Variants in CADPS2 observed in about 807,000 individuals in gnomAD.
CADPS2 encodes calcium dependent secretion activator 2.
In CADPS2, 93 loss-of-function variants were observed where a neutral mutation model predicts 172.5. The observed-to-expected ratio is 0.54, with a 90% CI of 0.46 to 0.64. CADPS2 has a LOEUF of 0.64. Among genes scored for constraint, CADPS2 ranks in the 30% least tolerant of loss-of-function variants. CADPS2 has a pLI of 0.00. For synonymous variants in CADPS2, 546 were observed against 555.2 expected (o/e 0.98, Z 0.23); for missense variants, 1,420 against 1,565.9 (o/e 0.91, Z 1.57).
chr7:122,833,443 C>T (rs981318458), intron 1 of CADPS2, among the ~76,000 whole-genome samples: 3 of 152,128 alleles, frequency 2.0e-5, no homozygotes, highest in South Asian at 2.1e-4. Context: ...CTTTGCCTCC[C>T]GGGTTCGAGC....
intron 28 of CADPS2, among the ~76,000 whole-genome samples, chr7:122,344,875 T>C (rs1382125421): frequency 6.6e-6 from 1 of 152,048 alleles, no homozygotes; most frequent in African/African-American, 2.4e-5. Flanking sequence ...CCTCCAGCAG[T>C]CAAAAGAAGT....
At chr7:122,596,338 T>C (rs936304322) in intron 6 of CADPS2, among the ~76,000 whole-genome samples, 1 of 152,164 alleles carries the variant, frequency 6.6e-6, no homozygotes, top group African/African-American at 2.4e-5. Context: ...CTCCAACATT[T>C]ACCTACCTGG....
chr7:122,764,536 C>T (rs1360977623), intron 1 of CADPS2, among the ~76,000 whole-genome samples: 4 of 151,820 alleles, frequency 2.6e-5, no homozygotes, highest in Non-Finnish European at 5.9e-5. Context: ...CAGAAAGACA[C>T]AACAAGTCAG....
Position 122,570,336 on chromosome 7 carries a change from C to T in CADPS2, c.1335+10843G>A, listed in dbSNP as rs190258833. 4.0e-3 allele frequency among the ~76,000 whole-genome samples: 605 copies of T among 152,066 alleles called. 2 individuals are homozygous for T. Among genetic ancestry groups the T allele is most frequent in the Non-Finnish European group, 6.6e-3 (448 of 68,002 alleles). ...TTGAAATCAAAACCACAATGAGATA[C>T]CATCTCACACCAGTTAGAATGGCAA... On this transcript the variant is annotated intron_variant, in intron 7 of 29. Coordinates refer to ENST00000449022, the MANE Select transcript of CADPS2 (RefSeq NM_017954.11).
intron 1 of CADPS2, among the ~76,000 whole-genome samples, chr7:122,737,410 G>A (rs896297567): frequency 6.6e-6 from 1 of 152,132 alleles, no homozygotes; most frequent in Non-Finnish European, 1.5e-5. Flanking sequence ...TTTTAGTAGA[G>A]ATGTTGGCCA....
intron 2 of CADPS2, among the ~76,000 whole-genome samples, chr7:122,699,560 C>T (rs745892169): frequency 1.3e-5 from 2 of 152,136 alleles, no homozygotes; most frequent in Non-Finnish European, 2.9e-5. Context: ...TTTGATTCAT[C>T]ACATAAACCA....
chr7:122,782,682 T>C (rs926650577), intron 1 of CADPS2, among the ~76,000 whole-genome samples: 6 of 152,218 alleles, frequency 3.9e-5, no homozygotes, highest in African/African-American at 1.4e-4. Context: ...TTGGAAATGA[T>C]AGATAAAATT....
chr7:122,560,628 C>T (rs1173828959), intron 7 of CADPS2, among the ~76,000 whole-genome samples: 1 of 152,144 alleles, frequency 6.6e-6, no homozygotes, highest in Non-Finnish European at 1.5e-5. Context: ...AACAGGTGTC[C>T]TTGAGACAAA....
intron 28 of CADPS2, among the ~76,000 whole-genome samples, chr7:122,338,437 A>G (rs1404490054): frequency 1.3e-5 from 2 of 152,050 alleles, no homozygotes; most frequent in African/African-American, 4.8e-5. Context: ...TAAATAAGTA[A>G]CCTCAAACAG....
chr7:122,748,367 TGCCTCAGTACC>T (rs2092809185), intron 1 of CADPS2, among the ~76,000 whole-genome samples: 1 of 152,152 alleles, frequency 6.6e-6, no homozygotes, highest in African/African-American at 2.4e-5. Flanking sequence ...AAGAACTTTG[TGCCTCAGTACC>T]ATCTGGCATT....
chr7:122,573,174 T>C (rs2067500485), intron 7 of CADPS2, among the ~76,000 whole-genome samples: 1 of 152,066 alleles, frequency 6.6e-6, no homozygotes. Flanking sequence ...CTTGGAAGTG[T>C]TTAAAATACT....
chr7:122,612,504 TG>T (rs2074418658), intron 6 of CADPS2, among the ~76,000 whole-genome samples: 2 of 151,872 alleles, frequency 1.3e-5, no homozygotes, highest in African/African-American at 4.8e-5. Flanking sequence ...ACTTTTACTT[TG>T]AAAACTACAA....
chr7:122,691,726 T>C (rs1445589857), intron 2 of CADPS2, among the ~76,000 whole-genome samples: 2 of 152,188 alleles, frequency 1.3e-5, no homozygotes, highest in African/African-American at 2.4e-5. Context: ...GAGGAATGCA[T>C]TGGTCAGGTC....
intron 3 of CADPS2, among the ~76,000 whole-genome samples, chr7:122,645,538 A>T (rs1354419618): frequency 3.2e-5 from 4 of 124,492 alleles, no homozygotes; most frequent in African/African-American, 1.4e-4. Context: ...GTATATATAT[A>T]TACTTATATA....
At chr7:122,509,328 T>C (rs2059849484) in intron 9 of CADPS2, among the ~76,000 whole-genome samples, 1 of 152,190 alleles carries the variant, frequency 6.6e-6, no homozygotes, top group Non-Finnish European at 1.5e-5. Context: ...ACTGTTTACA[T>C]CCCGTGCCAA....
At chr7:122,877,847 T>A (rs1235887009) in intron 1 of CADPS2, among the ~76,000 whole-genome samples, 1 of 152,182 alleles carries the variant, frequency 6.6e-6, no homozygotes, top group Non-Finnish European at 1.5e-5. Flanking sequence ...AGAAATCCTA[T>A]GATTTTTAAA....
chr7:122,849,121 C>A (rs1812809699), intron 1 of CADPS2, among the ~76,000 whole-genome samples: 1 of 152,150 alleles, frequency 6.6e-6, no homozygotes. Context: ...ACACGGACAA[C>A]TCAGAAATTT....
chr7:122,751,021 A>T (rs1418406083), intron 1 of CADPS2, among the ~76,000 whole-genome samples: 1 of 152,226 alleles, frequency 6.6e-6, no homozygotes, highest in East Asian at 1.9e-4. Context: ...TATATGGGAC[A>T]CACAGGATAA....
At chr7:122,644,662 C>CA (rs998879017) in intron 3 of CADPS2, among the ~76,000 whole-genome samples, 4 of 152,026 alleles carry the variant, frequency 2.6e-5, no homozygotes, top group African/African-American at 9.7e-5. Flanking sequence ...CCCTCAAAAA[C>CA]AAAAATAAAA....
Sources: gnomAD v4.1 joint callset for allele counts (sites outside exome capture counted in the v4.1 genomes callset) on GRCh38, gnomAD v4.1.1 for gene constraint, MANE v1.5 for transcripts, NCBI Gene and HGNC (gene_info 2026-07-23, HGNC 2026-07-21) for gene names.